Variants in CEBPZOS observed in about 807,000 individuals in gnomAD.
The protein encoded by CEBPZOS is protein CEBPZOS.
CEBPZOS carries 10 observed loss-of-function variants against 4.8 expected under a neutral mutation model. The observed-to-expected ratio is 2.07, with a 90% confidence interval of 1.28 to 3.52. The LOEUF (loss-of-function observed/expected upper bound fraction) is 3.52. Among genes scored for constraint, CEBPZOS ranks in the 30% most tolerant of loss-of-function variants. The pLI is 0.00. For synonymous variants in CEBPZOS, 25 were observed against 14.2 expected, an observed-to-expected ratio of 1.77 and a Z score of -1.72; for missense variants, 98 against 43.6, an observed-to-expected ratio of 2.25 and a Z score of -3.51.
rs750949162 is a variant in CEBPZOS, at chr2:37,203,146, T to A, written c.*1286T>A. 4.6e-5 allele frequency: 25 copies of A among 540,632 alleles called. No individual in the cohort carries two copies. Among genetic ancestry groups the A allele is most frequent in the Non-Finnish European group, 7.3e-5 (23 of 313,354 alleles). The allele number at this position is 540,632 out of a possible 1,614,324, so 33.5% of individuals were successfully genotyped here. On this transcript the variant is annotated 3_prime_UTR_variant, in exon 5 of 5. Transcript: ENST00000402297. ...TAATCTTCTGGCACCATTGGGTAGC[T>A]GGCATTTAAATATAATTTAAGAGTT...
chr2:37,201,730 A>G lies in CEBPZOS; in HGVS notation c.*2+4A>G. On this transcript the variant is annotated splice_donor_region_variant and intron_variant, in intron 4 of 4. Transcript: ENST00000402297. ...GGTTGAACAGCAAAAATTAGATGTA[A>G]GTAGAATTTTAATCTATAATTTACA... The G allele has an allele frequency of 8.3e-7, 1 of 1,206,376 alleles. No individual in the cohort carries two copies. Among genetic ancestry groups the G allele is most frequent in the Non-Finnish European group, 1.2e-6 (1 of 828,834 alleles). The allele number at this position is 1,206,376 out of a possible 1,614,324, so 74.7% of individuals were successfully genotyped here. A position where few individuals can be genotyped will look rare whatever the true frequency, so the allele number is the denominator to read the frequency against.
Position 37,199,127 on chromosome 2 carries a change from CAGTTTAGTATATGTTGTATTAAT to C in CEBPZOS, c.-1-555_-1-533del, listed in dbSNP as rs566356301. Among the ~76,000 whole-genome samples, 1,026 of 152,174 alleles carry C rather than the reference CAGTTTAGTATATGTTGTATTAAT, an allele frequency of 6.7e-3. 9 individuals carry two copies. The highest frequency in any genetic ancestry group is 0.024 in the South Asian group (116 of 4,818). The stretch of plus-strand genomic sequence containing the variant: ...CACTCCAAATGCCTGAACTATGGCA[CAGTTTAGTATATGTTGTATTAAT>C]AGTTTAGTATATGTTGTATTATTAG... On this transcript the variant is annotated intron_variant, in intron 1 of 4. Transcript: ENST00000402297.
chr2:37,210,131 T>C (rs1315299510), intron 4 of CEBPZOS: 2 of 152,154 alleles, frequency 1.3e-5, no homozygotes, highest in African/African-American at 2.4e-5. Context: ...AAATTTCAGA[T>C]GTTGGCATGG....
chr2:37,209,413 C>A (rs1350555284), downstream of CEBPZOS: 3 of 152,110 alleles, frequency 2.0e-5, no homozygotes, highest in Non-Finnish European at 4.4e-5. Flanking sequence ...GCTATTGTTA[C>A]CAAAATAGCA....
In CEBPZOS at chr2:37,212,036, G is replaced by C. The variant is rs768774611; in HGVS notation, c.*3-1401G>C. Reference sequence around the variant, plus strand: ...TAGCTCCTTTTGTTCTCTTTTTCACGTTTCTGGAAAAAAACACAACTTGTA... The same window carrying C: ...TAGCTCCTTTTGTTCTCTTTTTCACCTTTCTGGAAAAAAACACAACTTGTA... On this transcript the variant is annotated intron_variant, in intron 4 of 4. Transcript: ENST00000397064. 2.5e-6 allele frequency: 4 copies of C among 1,572,214 alleles called. No homozygotes were observed. The Admixed American group carries it at 8.3e-5, about 33-fold the overall frequency.
intron 1 of CEBPZOS, chr2:37,198,506 G>T (rs1677057803): frequency 1.3e-5 from 2 of 152,086 alleles, no homozygotes; most frequent in African/African-American, 4.8e-5. Context: ...ATTGAAAAGG[G>T]GTCGGAAGTG....
chr2:37,200,656 C>T (rs868157727), intron 2 of CEBPZOS, among the ~76,000 whole-genome samples: 30 of 75,126 alleles, frequency 4.0e-4, no homozygotes, highest in African/African-American at 2.1e-3. Flanking sequence ...GACACTGTAT[C>T]TTAAGAAAAA....
At chr2:37,201,562 A>G (rs1677233652) in intron 3 of CEBPZOS, 80 bp from the exon 4 acceptor site, 1 of 640,980 alleles carries the variant, frequency 1.6e-6, no homozygotes, top group Admixed American at 2.9e-5. Context: ...TATGGAAAAA[A>G]GAAGTTGTTT....
chr2:37,201,981 C>A lies in CEBPZOS; in HGVS notation c.*121C>A. On this transcript the variant is annotated 3_prime_UTR_variant, in exon 5 of 5. Transcript: ENST00000402297. The stretch of plus-strand genomic sequence containing the variant: ...GGTCCCACAGAACATGCTGCTGAGT[C>A]ACAGGAACTTCTAGCCTGCCTTGGC... 1 of 1,395,026 alleles carries A rather than the reference C, an allele frequency of 7.2e-7. No homozygotes were observed. The highest frequency in any genetic ancestry group is 1.4e-5 in the South Asian group (1 of 73,408). The allele number at this position is 1,395,026 out of a possible 1,614,324, so 86.4% of individuals were successfully genotyped here.
downstream of CEBPZOS, chr2:37,215,474 G>A (rs1427522165): frequency 6.6e-6 from 1 of 152,290 alleles, no homozygotes; most frequent in Non-Finnish European, 1.5e-5. Flanking sequence ...GACTCATCCT[G>A]AGTAAAAGGA....
chr2:37,201,910 G>A lies in CEBPZOS; in HGVS notation c.*50G>A. 6.2e-7 allele frequency: 1 copy of A among 1,611,120 alleles called. No homozygotes were observed. The highest frequency in any genetic ancestry group is 8.5e-7 in the Non-Finnish European group (1 of 1,179,168). On this transcript the variant is annotated 3_prime_UTR_variant, in exon 5 of 5. Transcript: ENST00000402297. ...CATCTAAGCTGTTTGAGACCTTTGA[G>A]AGAAGAAGAAAAGATGAGTGTACTA... is the stretch of plus-strand genomic sequence containing the variant.
downstream of CEBPZOS, among the ~76,000 whole-genome samples, chr2:37,205,007 C>T (rs1313736819): frequency 6.6e-6 from 1 of 152,302 alleles, no homozygotes; most frequent in East Asian, 1.9e-4. Context: ...TTGAGAAAAA[C>T]TGCCTATATC....
rs966111136 is a variant in CEBPZOS at position 37,203,783 on chromosome 2, A to G, written c.*1923A>G. The G allele has an allele frequency of 1.3e-5, 2 of 152,244 alleles. No homozygotes were observed. The highest frequency in any genetic ancestry group is 2.4e-5 in the African/African-American group (1 of 41,460). The allele number at this position is 152,244 out of a possible 1,614,324, so 9.4% of individuals were successfully genotyped here. A position where few individuals can be genotyped will look rare whatever the true frequency, so the allele number is the denominator to read the frequency against. On this transcript the variant is annotated 3_prime_UTR_variant, in exon 5 of 5. Coordinates refer to ENST00000402297, the MANE Select transcript of CEBPZOS (RefSeq NM_001322374.2). Reference sequence around the variant, plus strand: ...GACTTGCCTTTTCTGGCTATTTCATATAAATGGGATCATATGACATGTGGT... The same window carrying G: ...GACTTGCCTTTTCTGGCTATTTCATGTAAATGGGATCATATGACATGTGGT...
At chr2:37,199,193 G>A (rs1437435300) in intron 1 of CEBPZOS, among the ~76,000 whole-genome samples, 2 of 151,854 alleles carry the variant, frequency 1.3e-5, no homozygotes, top group African/African-American at 4.8e-5. Flanking sequence ...CAGTATATAG[G>A]ATATCTATAC....
At chr2:37,205,148 G>A (rs1246447105), downstream of CEBPZOS, among the ~76,000 whole-genome samples, 2 of 152,198 alleles carry the variant, frequency 1.3e-5, no homozygotes, top group African/African-American at 4.8e-5. Context: ...ATTGACAGCA[G>A]TATTTGAAAG....
intron 2 of CEBPZOS, among the ~76,000 whole-genome samples, chr2:37,200,375 C>T (rs1249567738): frequency 6.6e-6 from 1 of 152,098 alleles, no homozygotes; most frequent in Non-Finnish European, 1.5e-5. Context: ...GCATGATAGC[C>T]ATCTTTGAAA....
chr2:37,196,726 G>T (rs1676959695), intron 1 of CEBPZOS: 1 of 152,368 alleles, frequency 6.6e-6, no homozygotes, highest in Non-Finnish European at 1.5e-5. Context: ...CGTGCTCCGT[G>T]CGTGCCCGCG....
At chr2:37,205,893 C>T (rs926051041), downstream of CEBPZOS, among the ~76,000 whole-genome samples, 11 of 151,998 alleles carry the variant, frequency 7.2e-5, no homozygotes, top group South Asian at 8.3e-4. Context: ...AAGAAGAGTT[C>T]GTATCATAAT....
Position 37,202,025 on chromosome 2 carries a change from T to C in CEBPZOS, c.*165T>C. ...CCTTGGCCTGTGGTTTCCCACCCAC[T>C]ATACAAACCCACTGCTTGTTTGTTG... On this transcript the variant is annotated 3_prime_UTR_variant, in exon 5 of 5. Coordinates refer to ENST00000402297, the MANE Select transcript of CEBPZOS (RefSeq NM_001322374.2). 1 of 725,682 alleles carries C rather than the reference T, an allele frequency of 1.4e-6. No homozygotes were observed. Among genetic ancestry groups the C allele is most frequent in the East Asian group, 2.6e-5 (1 of 38,342 alleles). 45.0% of individuals were successfully genotyped at this position (725,682 alleles called of 1,614,324 possible). A position where few individuals can be genotyped will look rare whatever the true frequency, so the allele number is the denominator to read the frequency against.
Sources: gnomAD v4.1 joint callset for allele counts (sites outside exome capture counted in the v4.1 genomes callset) on GRCh38, gnomAD v4.1.1 for gene constraint, MANE v1.5 for transcripts, NCBI Gene and HGNC (gene_info 2026-07-23, HGNC 2026-07-21) for gene names.